Variants in PCDH15 observed in about 807,000 individuals in gnomAD.
PCDH15 encodes the protein protocadherin related 15.
A neutral mutation model predicts 178.5 loss-of-function variants in PCDH15; 129 were observed. That is an observed-to-expected ratio of 0.72 (90% CI 0.63 to 0.84). The LOEUF is 0.84. Ranked by LOEUF, PCDH15 falls within the 40% of genes least tolerant of loss-of-function variation. The pLI is 0.00. For synonymous variants in PCDH15, 800 were observed against 732.0 expected, an observed-to-expected ratio of 1.09 and a Z score of -1.50; for missense variants, 2,230 against 2,099.9, an observed-to-expected ratio of 1.06 and a Z score of -1.21.
At chr10:54,503,811 C>T (rs187223628) in intron 3 of PCDH15, among the ~76,000 whole-genome samples, 1 of 152,030 alleles carries the variant, frequency 6.6e-6, no homozygotes, top group South Asian at 2.1e-4. Context: ...ACTTAAAGAC[C>T]TGGAATGTCT....
At chr10:54,106,975 G>C (rs1445447586) in intron 15 of PCDH15, among the ~76,000 whole-genome samples, 2 of 152,170 alleles carry the variant, frequency 1.3e-5, no homozygotes, top group African/African-American at 4.8e-5. Flanking sequence ...GTGATATGAA[G>C]ATATATTTGA....
chr10:55,310,519 T>G (rs973089334), intron 1 of PCDH15, among the ~76,000 whole-genome samples: 2 of 152,202 alleles, frequency 1.3e-5, no homozygotes, highest in African/African-American at 4.8e-5. Flanking sequence ...CTGGTAAAAT[T>G]ATGCTAAAGA....
chr10:53,953,232 T>G (rs938026500), intron 23 of PCDH15, among the ~76,000 whole-genome samples: 12 of 152,250 alleles, frequency 7.9e-5, no homozygotes, highest in Admixed American at 5.2e-4. Flanking sequence ...TTTCAAAAGT[T>G]TTAAGAAGAA....
intron 2 of PCDH15, among the ~76,000 whole-genome samples, chr10:55,412,539 C>G (rs1838364779): frequency 6.6e-6 from 1 of 151,300 alleles, no homozygotes; most frequent in Non-Finnish European, 1.5e-5. Context: ...ATGAATGGCA[C>G]AATAAAGTAT....
intron 28 of PCDH15, among the ~76,000 whole-genome samples, chr10:53,841,152 T>A (rs1400582447): frequency 6.6e-6 from 1 of 152,202 alleles, no homozygotes; most frequent in Non-Finnish European, 1.5e-5. Context: ...AATAAGTAAT[T>A]TTCCCATCTC....
At chr10:54,566,859 A>T (rs1283702734) in intron 2 of PCDH15, among the ~76,000 whole-genome samples, 2 of 152,132 alleles carry the variant, frequency 1.3e-5, no homozygotes, top group African/African-American at 2.4e-5. Flanking sequence ...AAGGAGAATG[A>T]CCGCTGGATT....
intron 2 of PCDH15, among the ~76,000 whole-genome samples, chr10:54,972,806 G>A (rs376832210): frequency 1.6e-5 from 2 of 127,226 alleles, no homozygotes; most frequent in South Asian, 2.5e-4. Context: ...CTGACATCGC[G>A]CCACTGCACT....
chr10:54,518,421 T>C (rs1197850310), intron 3 of PCDH15, among the ~76,000 whole-genome samples: 2 of 152,118 alleles, frequency 1.3e-5, no homozygotes, highest in African/African-American at 2.4e-5. Context: ...CATCAGAGAA[T>C]ACTACAAACA....
rs530302044 is a variant in PCDH15 at position 55,090,383 on chromosome 10, T to A, written c.-80+76193A>T. ...TTCGTTGTCATTTAACAAAAATGAATAGTCTTATACTCAGGCTTGCTCAAG... is the reference window on the plus strand; with the variant it reads ...TTCGTTGTCATTTAACAAAAATGAAAAGTCTTATACTCAGGCTTGCTCAAG... On this transcript the variant is annotated intron_variant, in intron 2 of 5. Coordinates refer to the PCDH15 transcript ENST00000458638. Among the ~76,000 whole-genome samples, 7 of 151,736 alleles carry A rather than the reference T, an allele frequency of 4.6e-5. No individual in the cohort carries two copies. In the South Asian group the frequency reaches 1.5e-3, roughly 31 times the overall value.
chr10:54,766,041 T>C (rs1430422759), intron 1 of PCDH15, among the ~76,000 whole-genome samples: 5 of 147,624 alleles, frequency 3.4e-5, no homozygotes, highest in African/African-American at 1.2e-4. Flanking sequence ...ATGTGCAGTG[T>C]CTTTGTGTGA....
chr10:55,520,195 TACACGCA>T, intron 2 of PCDH15, among the ~76,000 whole-genome samples: 1 of 68,816 alleles, frequency 1.5e-5, no homozygotes, highest in South Asian at 5.7e-4. Context: ...TATATATATA[TACACGCA>T]ATGTGTATAT....
intron 2 of PCDH15, among the ~76,000 whole-genome samples, chr10:55,119,107 T>G (rs1001772017): frequency 6.6e-6 from 1 of 152,134 alleles, no homozygotes. Flanking sequence ...AGGTAGAAAT[T>G]GCATGTCCTT....
At chr10:55,438,078 T>A (rs963066923) in intron 2 of PCDH15, among the ~76,000 whole-genome samples, 2 of 151,876 alleles carry the variant, frequency 1.3e-5, no homozygotes, top group Non-Finnish European at 2.9e-5. Flanking sequence ...CAGGTGATCC[T>A]CCTACCTCAG....
chr10:54,167,011 T>C (rs201688324), intron 13 of PCDH15, among the ~76,000 whole-genome samples: 3 of 152,192 alleles, frequency 2.0e-5, no homozygotes, highest in East Asian at 3.8e-4. Context: ...GCCTCACCCT[T>C]ATCTCCCTTC....
chr10:54,963,711 T>A (rs990545492), intron 2 of PCDH15, among the ~76,000 whole-genome samples: 1 of 152,214 alleles, frequency 6.6e-6, no homozygotes, highest in Non-Finnish European at 1.5e-5. Flanking sequence ...AACTTAATTC[T>A]CTTTCAATTT....
chr10:54,237,303 A>C (rs953783661), intron 8 of PCDH15, among the ~76,000 whole-genome samples: 1 of 152,124 alleles, frequency 6.6e-6, no homozygotes, highest in Non-Finnish European at 1.5e-5. Flanking sequence ...AAGATTTGTA[A>C]GAATACTTGT....
chr10:55,083,386 C>T (rs1422592371), intron 2 of PCDH15, among the ~76,000 whole-genome samples: 1 of 151,594 alleles, frequency 6.6e-6, no homozygotes, highest in Non-Finnish European at 1.5e-5. Context: ...AAAAGCTGCA[C>T]AGAGTATAGA....
chr10:55,016,097 T>TA (rs1840169841), intron 2 of PCDH15, among the ~76,000 whole-genome samples: 1 of 57,032 alleles, frequency 1.8e-5, no homozygotes, highest in Non-Finnish European at 3.0e-5. Context: ...CCTTTTTTTT[T>TA]TAAAAAAAAA....
chr10:54,826,942 AC>A (rs529398771), intron 3 of PCDH15, among the ~76,000 whole-genome samples: 14 of 152,248 alleles, frequency 9.2e-5, no homozygotes, highest in African/African-American at 3.4e-4. Flanking sequence ...ACTTTGAACA[AC>A]CACAAGCAAT....
Sources: allele counts gnomAD v4.1 joint callset (sites outside exome capture counted in the v4.1 genomes callset), GRCh38; gene constraint gnomAD v4.1.1; transcripts MANE v1.5; gene names NCBI Gene and HGNC (gene_info 2026-07-23, HGNC 2026-07-21).